Variants in ADGRF1 observed in about 807,000 individuals in gnomAD.
ADGRF1 encodes the protein G protein-coupled receptor 110.
A neutral mutation model predicts 87.2 loss-of-function variants in ADGRF1; 85 were observed. The ratio of observed to expected loss-of-function variants is 0.97; its 90% confidence interval spans 0.82 to 1.17. ADGRF1 has a LOEUF of 1.17. Ranked by LOEUF, ADGRF1 falls within the 50% of genes most tolerant of loss-of-function variation. The pLI is 0.00. For synonymous variants in ADGRF1, 430 were observed against 408.8 expected (o/e 1.05, Z -0.63); for missense variants, 1,169 against 1,077.2 (o/e 1.09, Z -1.19).
At chr6:47,014,059 A>T (rs1216783045) in intron 9 of ADGRF1, 2 of 166,180 alleles carry the variant, frequency 1.2e-5, no homozygotes, top group Non-Finnish European at 2.5e-5. Context: ...ATAGTTCTTT[A>T]TAACAATGTG....
intron 2 of ADGRF1, among the ~76,000 whole-genome samples, chr6:47,028,021 G>A (rs1780295743): frequency 6.6e-6 from 1 of 152,118 alleles, no homozygotes; most frequent in African/African-American, 2.4e-5. Flanking sequence ...ACAGGAGGTG[G>A]GGTCAGAGGG....
In ADGRF1 at chr6:47,007,090, C is replaced by T. The variant is rs569933452; in HGVS notation, c.2532+163G>A. ...CTTTATCAGCAGTGACTGTTTAGTTCCTTTGTTTTCTGACTGAGCCTGACT... is the reference window on the plus strand; with the variant it reads ...CTTTATCAGCAGTGACTGTTTAGTTTCTTTGTTTTCTGACTGAGCCTGACT... On this transcript the variant is annotated intron_variant, in intron 12 of 14. Coordinates refer to ENST00000371253, the MANE Select transcript of ADGRF1 (RefSeq NM_153840.4). 1.2e-4 allele frequency among the ~76,000 whole-genome samples: 19 copies of T among 152,178 alleles called. No homozygotes were observed. In the South Asian group the frequency reaches 1.5e-3, roughly 12 times the overall value.
intron 9 of ADGRF1, chr6:47,014,426 C>A: frequency 8.3e-7 from 1 of 1,204,160 alleles, no homozygotes; most frequent in Non-Finnish European, 1.0e-6. Context: ...AGCAATGATA[C>A]ACTCCTCCAC....
In ADGRF1 at chr6:47,012,092, T is replaced by C. The variant is rs200960894; in HGVS notation, c.1031A>G (p.Asn344Ser). 11 of 1,614,142 alleles carry C rather than the reference T, an allele frequency of 6.8e-6. No homozygotes were observed. The highest frequency in any genetic ancestry group is 1.6e-4 in the Middle Eastern group (1 of 6,062). The change falls in exon 10 of 15, where the codon AAT (asparagine) becomes AGT (serine). Residue 344 changes from asparagine (N) to serine (S), a missense_variant. Asn to Ser is a conservative substitution (Grantham distance 46, BLOSUM62 1). Coordinates refer to ENST00000371253, the MANE Select transcript of ADGRF1 (RefSeq NM_153840.4). ...IRQNPSTTVG[N>S]LASVVSILSN... ...CAGAATCGACACCACCGAAGCCAGA[T>C]TCCCCACTGTGGTTGATGGGTTTTG...
intron 7 of ADGRF1, chr6:47,020,097 C>T (rs1780000727): frequency 9.8e-7 from 1 of 1,018,670 alleles, no homozygotes; most frequent in African/African-American, 1.7e-5. Context: ...TTTTTCCCAT[C>T]CACTGTCACC....
In ADGRF1 at chr6:47,012,144, C is replaced by T. The variant is rs749943749; in HGVS notation, c.979G>A (p.Val327Met). 4.0e-5 allele frequency: 64 copies of T among 1,613,760 alleles called. 1 individual carries two copies. The highest frequency in any genetic ancestry group is 1.6e-4 in the Middle Eastern group (1 of 6,078). ...NATEAAVSSF[V>M]QNLSVIIRQN... is the part of the protein sequence containing the mutation. ...CGAATGATGACAGAAAGATTTTGCA[C>T]GAAGGATGACACAGCTGCCTCAGTG... is the stretch of plus-strand genomic sequence containing the variant. The change falls in exon 10 of 15, where the codon GTG becomes ATG. Residue 327 changes from valine to methionine, a missense_variant. Transcript: ENST00000371253.
In ADGRF1 at chr6:47,008,351, A is replaced by G. The variant is rs537281612; in HGVS notation, c.2490+594T>C. ...TGCCAAGTAAAAACCCATTCTTTGT[A>G]GCAGAGATTAGCAAACTTTTTCTGT... On this transcript the variant is annotated intron_variant, in intron 11 of 14. Transcript: ENST00000371253. Among the ~76,000 whole-genome samples the G allele has an allele frequency of 8.5e-5, 13 of 152,314 alleles. No individual in the cohort carries two copies. The South Asian group carries it at 2.5e-3, about 29-fold the overall frequency.
intron 1 of ADGRF1, among the ~76,000 whole-genome samples, chr6:47,040,787 A>T (rs1446186076): frequency 6.6e-6 from 1 of 152,194 alleles, no homozygotes; most frequent in East Asian, 1.9e-4. Flanking sequence ...GAATGTGTTC[A>T]TTTACTTTTT....
At chr6:47,006,457 T>C (rs1412293950) in intron 12 of ADGRF1, among the ~76,000 whole-genome samples, 1 of 98,096 alleles carries the variant, frequency 1.0e-5, no homozygotes, top group African/African-American at 2.8e-5. Context: ...TGTTCTTCAC[T>C]GGGAATTTTA....
In ADGRF1 at chr6:46,998,234, A is replaced by T. The variant is rs1299674174; in HGVS notation, c.*1988T>A. 3 of 152,292 alleles carry T rather than the reference A, an allele frequency of 2.0e-5. No individual in the cohort carries two copies. The highest frequency in any genetic ancestry group is 2.1e-4 in the South Asian group (1 of 4,814). 9.4% of individuals were successfully genotyped at this position (152,292 alleles called of 1,614,324 possible). On this transcript the variant is annotated 3_prime_UTR_variant, in exon 15 of 15. Transcript: ENST00000371253. ...TCTCTGGATAGTAATTGTGTGTAAT[A>T]AGAGAGGGAGCATTCAAGAACTCCC... is the stretch of plus-strand genomic sequence containing the variant.
intron 1 of ADGRF1, among the ~76,000 whole-genome samples, chr6:47,037,193 T>C (rs562752743): frequency 6.6e-6 from 1 of 152,344 alleles, no homozygotes. Flanking sequence ...TTTTGCCTTA[T>C]TGTTTTAATT....
intron 6 of ADGRF1, 123 bp downstream of exon 6, chr6:47,021,835 T>A: frequency 1.6e-6 from 1 of 609,476 alleles, no homozygotes; most frequent in Non-Finnish European, 2.9e-6. Flanking sequence ...AAATAACTGT[T>A]TTGTTATTTG....
chr6:47,018,520 T>C (rs1779947672), intron 7 of ADGRF1: 1 of 1,289,690 alleles, frequency 7.8e-7, no homozygotes. Context: ...ACAGAGTATT[T>C]TCCTGCTTGT....
At chr6:47,016,485 C>A (rs1316847150) in intron 8 of ADGRF1, 132 bp downstream of exon 8, 4 of 960,336 alleles carry the variant, frequency 4.2e-6, no homozygotes, top group Non-Finnish European at 5.9e-6. Context: ...AAACAGCTGC[C>A]TGTTTGTGCT....
At chr6:47,023,232 CTG>C in intron 5 of ADGRF1, among the ~76,000 whole-genome samples, 1 of 152,328 alleles carries the variant, frequency 6.6e-6, no homozygotes, top group South Asian at 2.1e-4. Flanking sequence ...AGAAATTCTT[CTG>C]TGTGTCCTCC....
At position 47,009,006 on chromosome 6, in the gene ADGRF1, G is replaced by T. The variant is rs749669570; in HGVS notation, c.2429C>A (p.Thr810Lys). Residue 810 changes from threonine to lysine, a missense_variant, in exon 11 of 15, where the codon ACA becomes AAA. Physicochemically the swap from Thr to Lys is moderately conservative, Grantham distance 78 (BLOSUM62 -1). Coordinates refer to ENST00000371253, the MANE Select transcript of ADGRF1 (RefSeq NM_153840.4). Reference sequence around the variant, plus strand: ...AGCCAGATTCTGGCTGTCCACTATTGTTCCTATTCCAAAGCCCCAGGTGAG... The same window carrying T: ...AGCCAGATTCTGGCTGTCCACTATTTTTCCTATTCCAAAGCCCCAGGTGAG... ...LGLTWGFGIG[T>K]IVDSQNLAWH... is the part of the protein sequence containing the mutation. The T allele has an allele frequency of 3.1e-6, 5 of 1,613,750 alleles. No homozygotes were observed. The highest frequency in any genetic ancestry group is 4.2e-6 in the Non-Finnish European group (5 of 1,179,880).
chr6:46,999,902 C>T lies in ADGRF1; in HGVS notation c.*320G>A, dbSNP rs1019320060. ...CCTTCAATCCAGATTATTGGAAATG[C>T]CATGTGAATAATGCTGTTTTATGAA... On this transcript the variant is annotated 3_prime_UTR_variant, in exon 15 of 15. Transcript: ENST00000371253. 5.4e-6 allele frequency: 1 copy of T among 184,438 alleles called. No individual in the cohort carries two copies. The allele number at this position is 184,438 out of a possible 1,614,324, so 11.4% of individuals were successfully genotyped here.
Position 47,040,494 on chromosome 6 carries a change from A to T in ADGRF1, c.-44+1697T>A, listed in dbSNP as rs775338582. On this transcript the variant is annotated intron_variant, in intron 1 of 14. Coordinates refer to ENST00000371253, the MANE Select transcript of ADGRF1 (RefSeq NM_153840.4). ...CTCAAAAAATAAAATAAAATAAAAA[A>T]AAAAACAGGCAAAATATTTTGAAAG... Among the ~76,000 whole-genome samples the T allele has an allele frequency of 2.1e-3, 307 of 147,744 alleles. 3 individuals are homozygous for T. Among genetic ancestry groups the T allele is most frequent in the Middle Eastern group, 3.5e-3 (1 of 288 alleles).
At chr6:47,005,544 C>A (rs1779499755) in intron 13 of ADGRF1, among the ~76,000 whole-genome samples, 2 of 152,102 alleles carry the variant, frequency 1.3e-5, no homozygotes, top group African/African-American at 4.8e-5. Context: ...TGCCATTGTT[C>A]AAAAGTATTC....
Sources: allele counts gnomAD v4.1 joint callset (sites outside exome capture counted in the v4.1 genomes callset), GRCh38; gene constraint gnomAD v4.1.1; transcripts MANE v1.5; gene names NCBI Gene and HGNC (gene_info 2026-07-23, HGNC 2026-07-21).